Variants in MUC6 observed in about 807,000 individuals in gnomAD.
MUC6 encodes the protein mucin-6.
MUC6 carries 188 observed loss-of-function variants against 201.5 expected under a neutral mutation model. That is an observed-to-expected ratio of 0.93 (90% CI 0.83 to 1.05). The LOEUF is 1.05. Among genes scored for constraint, MUC6 ranks in the 50% least tolerant of loss-of-function variants. The pLI is 0.00. For missense variants in MUC6, 2,706 were observed against 3,256.9 expected, an observed-to-expected ratio of 0.83 and a Z score of 4.12; for synonymous variants, 1,228 against 1,389.4, an observed-to-expected ratio of 0.88 and a Z score of 2.58.
Position 1,027,351 on chromosome 11 carries a change from C to T in MUC6, c.2148G>A (p.Val716=). The T allele has an allele frequency of 6.2e-7, 1 of 1,613,012 alleles. No homozygotes were observed. Among genetic ancestry groups the T allele is most frequent in the Non-Finnish European group, 8.5e-7 (1 of 1,179,846 alleles). ...GTYLNQKGEC[V]RKAQCPCILE... ...GTATGCACGGGCACTGGGCCTTGCGCACACACTCGCCCTTTTGGTTCAGGT... is the reference window on the plus strand; with the variant it reads ...GTATGCACGGGCACTGGGCCTTGCGTACACACTCGCCCTTTTGGTTCAGGT... Residue 716 remains valine, a synonymous_variant, in exon 17 of 33, where the codon GTG becomes GTA. Transcript: ENST00000421673.
At position 1,013,930 on chromosome 11, in the gene MUC6, G is replaced by A. The variant is rs1186646568; in HGVS notation, c.7111C>T (p.Arg2371Cys). Residue 2371 changes from arginine (R) to cysteine (C), a missense_variant, in exon 32 of 33, where the codon CGC (arginine) becomes TGC (cysteine). Arg to Cys is a radical substitution (Grantham distance 180). Coordinates refer to ENST00000421673, the MANE Select transcript of MUC6 (RefSeq NM_005961.3). Reference protein sequence around the residue: ...KGCMANVTVTRCEGACISAAS... With the variant: ...KGCMANVTVTCCEGACISAAS... ...GCGGAAATGCAGGCGCCCTCACAGC[G>A]GGTTACCGTCACGTTCGCCATGCAC... The A allele has an allele frequency of 1.9e-6, 3 of 1,607,608 alleles. No homozygotes were observed. The highest frequency in any genetic ancestry group is 4.5e-5 in the East Asian group (2 of 44,616).
At chr11:1,025,762 C>A in intron 22 of MUC6, 43 bp downstream of exon 22, 3 of 1,544,954 alleles carry the variant, frequency 1.9e-6, no homozygotes, top group Middle Eastern at 1.7e-4. Context: ...GCAGGGCCCC[C>A]TACCGCCCGT....
chr11:1,018,791 G>T, intron 30 of MUC6, 21 bp from the exon 31 acceptor site: 1 of 1,541,650 alleles, frequency 6.5e-7, no homozygotes. Flanking sequence ...TGGTGAAGTT[G>T]TCATCGTTAT....
In MUC6 at chr11:1,016,418, G is replaced by C. The variant is rs1478852606; in HGVS notation, c.6383C>G (p.Ser2128Cys). The change falls in exon 31 of 33, where the codon TCC becomes TGC. Residue 2128 changes from serine to cysteine, a missense_variant. This residue lies in a region of MUC6 where 586 missense variants were observed against 488.0 expected (regional missense o/e 1.20). Coordinates refer to ENST00000421673, the MANE Select transcript of MUC6 (RefSeq NM_005961.3). The stretch of plus-strand genomic sequence containing the variant: ...AGAAGGACTGGGAGAAAATGAGGAG[G>C]ACAGCTGATTAGTTGTGGAAACAGG... Reference protein sequence around the residue: ...TTPVSTTNQLSSSFSPSPSAP... With the variant: ...TTPVSTTNQLCSSFSPSPSAP... 1 of 1,613,840 alleles carries C rather than the reference G, an allele frequency of 6.2e-7. No individual in the cohort carries two copies. The highest frequency in any genetic ancestry group is 1.7e-5 in the Admixed American group (1 of 60,000).
Position 1,030,653 on chromosome 11 carries a change from C to T in MUC6, c.812G>A (p.Cys271Tyr). The change falls in exon 7 of 33, where the codon TGT becomes TAT. Residue 271 changes from cysteine to tyrosine, a missense_variant. By Grantham distance (194) the Cys-to-Tyr change is radical. Coordinates refer to ENST00000421673, the MANE Select transcript of MUC6 (RefSeq NM_005961.3). ...GCGGGAGTACTCCGACAGGGTGGCA[C>T]AACTGCTGTTCTGTGGGCCTGGCTG... ...APQPGPQNSS[C>Y]ATLSEYSRQC... The T allele has an allele frequency of 6.5e-7, 1 of 1,548,644 alleles. No individual in the cohort carries two copies. Among genetic ancestry groups the T allele is most frequent in the Non-Finnish European group, 8.7e-7 (1 of 1,148,508 alleles).
At chr11:1,024,712 T>A in intron 24 of MUC6, 132 bp downstream of exon 24, 17 of 1,396,620 alleles carry the variant, frequency 1.2e-5, no homozygotes, top group Admixed American at 2.3e-5. Flanking sequence ...GGTCTGAAAC[T>A]CTCTGCACCC....
rs201710564 is a variant in MUC6, at chr11:1,025,861, C to A, written c.2743G>T (p.Val915Phe). 6.2e-7 allele frequency: 1 copy of A among 1,612,996 alleles called. No individual in the cohort carries two copies. Among genetic ancestry groups the A allele is most frequent in the African/African-American group, 1.3e-5 (1 of 75,038 alleles). Residue 915 changes from valine (V) to phenylalanine (F), a missense_variant, in exon 22 of 33, where the codon GTC (valine) becomes TTC (phenylalanine). Transcript: ENST00000421673. ...GTGACCCCGGAGTTCCCACAGATGA[C>A]GTTCTCTGTCAGGATCTTGAAGGTG... ...QPTFKILTEN[V>F]ICGNSGVTCS...
chr11:1,023,744 T>A, intron 25 of MUC6, 92 bp from the exon 26 acceptor site: 2 of 1,541,418 alleles, frequency 1.3e-6, no homozygotes, highest in Non-Finnish European at 1.8e-6. Context: ...GGAACCTGAG[T>A]GTGGGCGGGG....
rs1405688351 is a variant in MUC6, at chr11:1,019,428, T to C, written c.3877A>G (p.Arg1293Gly). ...ACTGTGGGTTTTGTGGCTGTCGATC[T>C]CAGTGTGGCTGTGGGAGGCAGCCCT... ...TSGLPPTATL[R>G]STATKPTVTQ... The change falls in exon 30 of 33, where the codon AGA (arginine) becomes GGA (glycine). Residue 1293 changes from arginine to glycine, a missense_variant. Arg to Gly is a moderately radical substitution (Grantham distance 125). Around this residue, in one of 10 missense-constraint regions of MUC6, gnomAD observed 1,850 missense variants for 1,958.3 expected, o/e 0.94. Transcript: ENST00000421673. 1 of 1,613,764 alleles carries C rather than the reference T, an allele frequency of 6.2e-7. No homozygotes were observed. Among genetic ancestry groups the C allele is most frequent in the African/African-American group, 1.3e-5 (1 of 74,882 alleles).
At chr11:1,013,732 C>G (rs529809300) in intron 32 of MUC6, 99 bp from the exon 33 acceptor site, 3 of 1,431,420 alleles carry the variant, frequency 2.1e-6, no homozygotes. Context: ...TGGACCTCCC[C>G]GCTGAGCTCC....
chr11:1,036,143 G>A (rs1359420387), intron 1 of MUC6, among the ~76,000 whole-genome samples: 2 of 152,046 alleles, frequency 1.3e-5, no homozygotes, highest in Non-Finnish European at 2.9e-5. Context: ...GGGAGGCAGC[G>A]TCCCCCACTT....
chr11:1,022,291 C>T (rs1856833759), intron 26 of MUC6, among the ~76,000 whole-genome samples: 1 of 149,816 alleles, frequency 6.7e-6, no homozygotes, highest in Non-Finnish European at 1.5e-5. Context: ...CCCTCTACAG[C>T]CCCGCGCCCC....
chr11:1,032,468 G>T (rs922980170), intron 2 of MUC6, among the ~76,000 whole-genome samples: 20 of 151,274 alleles, frequency 1.3e-4, no homozygotes, highest in Non-Finnish European at 2.4e-4. Flanking sequence ...GTTTGTGTGA[G>T]CTGGGCATGT....
rs147247497 is a variant in MUC6, at chr11:1,020,701, G to A, written c.3623C>T (p.Pro1208Leu). The stretch of plus-strand genomic sequence containing the variant: ...GCAATTACCTGTGGTGGGCAGCTGC[G>A]GCGTGGTGGGTGGCTGCGGCGTGGT... The part of the protein sequence containing the change: ...PPTTPQPPTT[P>L]QLPTTGSRPT... The change falls in exon 28 of 33, where the codon CCG becomes CTG. Residue 1208 changes from proline to leucine, a missense_variant. Physicochemically the swap from Pro to Leu is moderately conservative, Grantham distance 98. Around this residue, in one of 10 missense-constraint regions of MUC6, gnomAD observed 1,850 missense variants for 1,958.3 expected, o/e 0.94. Transcript: ENST00000421673. 138 of 1,613,282 alleles carry A rather than the reference G, an allele frequency of 8.6e-5. No individual in the cohort carries two copies. The highest frequency in any genetic ancestry group is 1.1e-4 in the Non-Finnish European group (124 of 1,179,824).
intron 2 of MUC6, 131 bp downstream of exon 2, chr11:1,032,882 T>G: frequency 1.4e-6 from 1 of 703,324 alleles, no homozygotes; most frequent in South Asian, 2.0e-5. Flanking sequence ...TGTGCATGTG[T>G]GTTCATGTTG....
Position 1,016,339 on chromosome 11 carries a change from A to G in MUC6, c.6462T>C (p.Thr2154=), listed in dbSNP as rs1172757593. 1.2e-6 allele frequency: 2 copies of G among 1,611,464 alleles called. No individual in the cohort carries two copies. Among genetic ancestry groups the G allele is most frequent in the Admixed American group, 1.7e-5 (1 of 59,488 alleles). ...YVPSSHSSPQ[T]SSPSVGTSSS... ...AAGATGTGCCAACAGAAGGCGATGAAGTCTGGGGAGAGGAGTGGGAGGAGG... is the reference window on the plus strand; with the variant it reads ...AAGATGTGCCAACAGAAGGCGATGAGGTCTGGGGAGAGGAGTGGGAGGAGG... The change falls in exon 31 of 33, where the codon ACT becomes ACC. Residue 2154 remains threonine (T), a synonymous_variant. Transcript: ENST00000421673.
At chr11:1,019,803 G>A (rs185432836) in intron 29 of MUC6, 85 of 627,308 alleles carry the variant, frequency 1.4e-4, no homozygotes, top group East Asian at 7.4e-4. Flanking sequence ...GGCCCTGCTC[G>A]GTGTGGGGCA....
intron 26 of MUC6, 75 bp downstream of exon 26, chr11:1,023,434 G>GTGAA: frequency 1.3e-6 from 2 of 1,487,120 alleles, no homozygotes; most frequent in Non-Finnish European, 1.8e-6. Context: ...ATGAATGCGT[G>GTGAA]TGAATGAATG....
At chr11:1,030,085 C>T (rs1036361899) in intron 8 of MUC6, 128 bp downstream of exon 8, 2 of 1,210,140 alleles carry the variant, frequency 1.7e-6, no homozygotes, top group African/African-American at 3.1e-5. Flanking sequence ...CAAGAGGCGC[C>T]AGAGCTGGGA....
Sources: allele counts gnomAD v4.1 joint callset (sites outside exome capture counted in the v4.1 genomes callset), GRCh38; gene constraint gnomAD v4.1.1; regional missense constraint gnomAD v4.1.1; transcripts MANE v1.5; gene names NCBI Gene and HGNC (gene_info 2026-07-23, HGNC 2026-07-21).